B4GALT6: variants seen among roughly 807,000 people sequenced by gnomAD.
The protein encoded by B4GALT6 is UDP-Gal:beta-GlcNAc beta-1,4-galactosyltransferase 6.
A neutral mutation model predicts 46.3 loss-of-function variants in B4GALT6; 14 were observed. The ratio of observed to expected loss-of-function variants is 0.30; its 90% confidence interval spans 0.20 to 0.47. The LOEUF (loss-of-function observed/expected upper bound fraction) is 0.47. Ranked by LOEUF, B4GALT6 falls within the 20% of genes least tolerant of loss-of-function variation. B4GALT6 has a pLI of 0.99. For synonymous variants in B4GALT6, 168 were observed against 162.0 expected, an observed-to-expected ratio of 1.04 and a Z score of -0.28; for missense variants, 386 against 480.1, an observed-to-expected ratio of 0.80 and a Z score of 1.83.
rs953105395 is a variant in B4GALT6, at chr18:31,624,112, G to GAT, written c.*1500_*1501dup. On this transcript the variant is annotated 3_prime_UTR_variant, in exon 9 of 9. Coordinates refer to ENST00000306851, the MANE Select transcript of B4GALT6 (RefSeq NM_004775.5). ...TCATCCAAAATTAAGATATGTACTT[G>GAT]ATATCAGGTAGTAAGACCTTTTTTC... 4 of 151,916 alleles carry GAT rather than the reference G, an allele frequency of 2.6e-5. No individual in the cohort carries two copies. Among genetic ancestry groups the GAT allele is most frequent in the African/African-American group, 9.7e-5 (4 of 41,414 alleles). 9.4% of individuals were successfully genotyped at this position (151,916 alleles called of 1,614,324 possible).
intron 1 of B4GALT6, among the ~76,000 whole-genome samples, chr18:31,682,321 A>G (rs1183412179): frequency 6.6e-6 from 1 of 152,206 alleles, no homozygotes; most frequent in Non-Finnish European, 1.5e-5. Context: ...GCTAAATGGT[A>G]CAGGGTTTTG....
In B4GALT6 at chr18:31,684,355, G is replaced by C. The variant is rs1353252859; in HGVS notation, c.72C>G (p.Leu24=). ...SLLAFIFFFS[L]SSSCLYFIYV... ...AGATGAAGTACAGACAGGACGAAGA[G>C]AGGGAGAAGAAGAAGATGAAGGCGA... The change falls in exon 1 of 9, where the codon CTC becomes CTG. Residue 24 remains leucine (L), a synonymous_variant. Transcript: ENST00000306851. The C allele has an allele frequency of 6.2e-7, 1 of 1,613,930 alleles. No homozygotes were observed. The highest frequency in any genetic ancestry group is 8.5e-7 in the Non-Finnish European group (1 of 1,179,954).
intron 3 of B4GALT6, among the ~76,000 whole-genome samples, chr18:31,656,132 TG>T (rs1376587526): frequency 1.3e-5 from 2 of 152,220 alleles, no homozygotes; most frequent in African/African-American, 4.8e-5. Flanking sequence ...CTGAAAGCCA[TG>T]GCCTTAGATG....
upstream of B4GALT6, among the ~76,000 whole-genome samples, chr18:31,690,805 T>TA (rs1220344499): frequency 6.6e-6 from 1 of 152,168 alleles, no homozygotes; most frequent in Non-Finnish European, 1.5e-5. Context: ...GTCATTTTCT[T>TA]ACTACATAGC....
At chr18:31,704,643 A>G in the B4GALT6 span, among the ~76,000 whole-genome samples, 2 of 152,210 alleles carry the variant, frequency 1.3e-5, no homozygotes, top group African/African-American at 4.8e-5. Flanking sequence ...TTGCATTTTT[A>G]GAAGATACAA....
At chr18:31,698,156 A>G in the B4GALT6 span, among the ~76,000 whole-genome samples, 3 of 152,246 alleles carry the variant, frequency 2.0e-5, no homozygotes, top group South Asian at 4.1e-4. Flanking sequence ...TCATCTCTAT[A>G]TGCTTCATTC....
chr18:31,682,518 G>C (rs2074491711), intron 1 of B4GALT6, among the ~76,000 whole-genome samples: 1 of 152,008 alleles, frequency 6.6e-6, no homozygotes, highest in South Asian at 2.1e-4. Flanking sequence ...CCGTTCTATG[G>C]CAAACATTAA....
chr18:31,673,439 G>A (rs943400770), intron 1 of B4GALT6, among the ~76,000 whole-genome samples: 13 of 152,156 alleles, frequency 8.5e-5, no homozygotes, highest in African/African-American at 1.9e-4. Context: ...ATGCCCAGGC[G>A]GAGTGAGGGC....
the B4GALT6 span, among the ~76,000 whole-genome samples, chr18:31,718,677 AC>A: frequency 6.6e-6 from 1 of 151,360 alleles, no homozygotes; most frequent in African/African-American, 2.4e-5. Flanking sequence ...GTGATATTCC[AC>A]CCCCTGCCTC....
the B4GALT6 span, among the ~76,000 whole-genome samples, chr18:31,723,665 A>G: frequency 4.6e-5 from 7 of 152,184 alleles, no homozygotes; most frequent in Non-Finnish European, 5.9e-5. Context: ...CCCCTGCCTA[A>G]TAGGGTGGTG....
chr18:31,623,223 A>G lies in B4GALT6; in HGVS notation c.*2391T>C, dbSNP rs2073640378. 6.6e-6 allele frequency: 1 copy of G among 152,150 alleles called. No individual in the cohort carries two copies. The highest frequency in any genetic ancestry group is 6.5e-5 in the Admixed American group (1 of 15,280). The allele number at this position is 152,150 out of a possible 1,614,324, so 9.4% of individuals were successfully genotyped here. On this transcript the variant is annotated 3_prime_UTR_variant, in exon 9 of 9. Transcript: ENST00000306851. ...CTTTATGTAATAATTAATACAATGA[A>G]GATAAACGGGCACAGCTCTGTCACT...
chr18:31,627,016 AT>A lies in B4GALT6; in HGVS notation c.881del (p.Asp294ValfsTer15). 6.2e-7 allele frequency: 1 copy of A among 1,610,754 alleles called. No individual in the cohort carries two copies. The highest frequency in any genetic ancestry group is 8.5e-7 in the Non-Finnish European group (1 of 1,178,900). On this transcript the variant is annotated frameshift_variant, in exon 7 of 9. Coordinates refer to ENST00000306851, the MANE Select transcript of B4GALT6 (RefSeq NM_004775.5). LOFTEE classifies it high-confidence loss of function. ...PNAFWGWGGE[D>X]DDLWNRVHYA... is the part of the protein sequence containing the mutation. The stretch of plus-strand genomic sequence containing the variant: ...CAACATACCTGTTCCAAAGGTCATC[AT>A]CTTCTCCTCCCCATCCCCAGAAGGC...
At chr18:31,628,884 C>T (rs183038790) in intron 6 of B4GALT6, among the ~76,000 whole-genome samples, 1 of 152,312 alleles carries the variant, frequency 6.6e-6, no homozygotes, top group African/African-American at 2.4e-5. Context: ...CACTGATATA[C>T]AATTTCTTTT....
At chr18:31,628,602 A>G (rs1490880924) in intron 6 of B4GALT6, among the ~76,000 whole-genome samples, 1 of 152,238 alleles carries the variant, frequency 6.6e-6, no homozygotes. Flanking sequence ...CTTACACTGT[A>G]AAAGTGGGAG....
the B4GALT6 span, among the ~76,000 whole-genome samples, chr18:31,702,065 G>A: frequency 0.021 from 3,161 of 152,228 alleles, 52 homozygotes; most frequent in Non-Finnish European, 0.03. Context: ...TAACTACATG[G>A]AAAGTTGTTG....
At position 31,627,532 on chromosome 18, in the gene B4GALT6, T is replaced by G. The variant is rs189967333; in HGVS notation, c.777-411A>C. On this transcript the variant is annotated intron_variant, in intron 6 of 8. Coordinates refer to ENST00000306851, the MANE Select transcript of B4GALT6 (RefSeq NM_004775.5). ...AAAATTAACTGAATTATAAACGCATTATTTATTATATAGAGCAGGATAAAT... is the reference window on the plus strand; with the variant it reads ...AAAATTAACTGAATTATAAACGCATGATTTATTATATAGAGCAGGATAAAT... Among the ~76,000 whole-genome samples, 402 of 152,274 alleles carry G rather than the reference T, an allele frequency of 2.6e-3. 1 individual carries two copies. The highest frequency in any genetic ancestry group is 9.3e-3 in the African/African-American group (387 of 41,568).
the B4GALT6 span, among the ~76,000 whole-genome samples, chr18:31,706,396 C>T: frequency 6.6e-6 from 1 of 151,980 alleles, no homozygotes; most frequent in Non-Finnish European, 1.5e-5. Context: ...TTTGGGAGGC[C>T]GAGGCAGGCA....
chr18:31,632,521 A>G (rs1487529960), intron 5 of B4GALT6, among the ~76,000 whole-genome samples: 3 of 152,164 alleles, frequency 2.0e-5, no homozygotes, highest in Non-Finnish European at 2.9e-5. Flanking sequence ...GTATTTATCT[A>G]CATATTTTGA....
the B4GALT6 span, among the ~76,000 whole-genome samples, chr18:31,708,408 T>C: frequency 6.6e-6 from 1 of 151,936 alleles, no homozygotes; most frequent in Non-Finnish European, 1.5e-5. Context: ...CTACTAAAAA[T>C]ACAAAAATTG....
Sources: allele counts gnomAD v4.1 joint callset (sites outside exome capture counted in the v4.1 genomes callset), GRCh38; gene constraint gnomAD v4.1.1; transcripts MANE v1.5; gene names NCBI Gene and HGNC (gene_info 2026-07-23, HGNC 2026-07-21).